The following ROBO2 variants were observed in gnomAD, a reference collection of about 807,000 sequenced individuals.
The protein encoded by ROBO2 is roundabout guidance receptor 2.
Under a neutral mutation model 160.8 loss-of-function variants are expected in ROBO2, and 53 were observed. That is an observed-to-expected ratio of 0.33 (90% CI 0.26 to 0.41). The LOEUF is 0.41. Among genes scored for constraint, ROBO2 ranks in the 10% least tolerant of loss-of-function variants. The pLI is 1.00. For missense variants in ROBO2, 1,577 were observed against 1,722.4 expected (o/e 0.92, Z 1.49); for synonymous variants, 664 against 611.7 (o/e 1.09, Z -1.26).
At chr3:75,937,710 C>A (rs1226176794) in intron 2 of ROBO2, 5 of 627,590 alleles carry the variant, frequency 8.0e-6, no homozygotes, top group Non-Finnish European at 1.3e-5. Context: ...TTGTAATTTT[C>A]CCCCAGGTTT....
chr3:76,366,813 C>T (rs1457218792), intron 2 of ROBO2, among the ~76,000 whole-genome samples: 1 of 151,838 alleles, frequency 6.6e-6, no homozygotes, highest in Non-Finnish European at 1.5e-5. Flanking sequence ...TTTTATTAAG[C>T]AGAGAAATAA....
At chr3:76,929,413 G>A (rs1315198044) in intron 2 of ROBO2, among the ~76,000 whole-genome samples, 1 of 152,150 alleles carries the variant, frequency 6.6e-6, no homozygotes, top group Non-Finnish European at 1.5e-5. Flanking sequence ...CCCAGTACCT[G>A]TTCTGTCCAC....
intron 8 of ROBO2, among the ~76,000 whole-genome samples, chr3:77,553,703 A>C (rs2093006858): frequency 6.6e-6 from 1 of 151,952 alleles, no homozygotes; most frequent in Admixed American, 6.6e-5. Flanking sequence ...ACATTCCCTT[A>C]AGCCAAAGCC....
intron 18 of ROBO2, 57 bp downstream of exon 19, chr3:77,595,241 C>T: frequency 7.7e-7 from 1 of 1,306,832 alleles, no homozygotes; most frequent in Non-Finnish European, 1.1e-6. Flanking sequence ...ACTGGGGAAA[C>T]TCTATAGTAA....
At chr3:76,822,710 T>C (rs2066226700) in intron 2 of ROBO2, among the ~76,000 whole-genome samples, 1 of 151,352 alleles carries the variant, frequency 6.6e-6, no homozygotes, top group South Asian at 2.1e-4. Flanking sequence ...GTATAAAGTG[T>C]GGTAGATTAT....
chr3:77,559,642 A>G (rs1392081399), intron 9 of ROBO2, among the ~76,000 whole-genome samples: 2 of 152,102 alleles, frequency 1.3e-5, no homozygotes, highest in Admixed American at 1.3e-4. Flanking sequence ...CATATTTCCA[A>G]ATGATCACAA....
At chr3:76,657,976 A>C (rs953446875) in intron 2 of ROBO2, among the ~76,000 whole-genome samples, 1 of 149,316 alleles carries the variant, frequency 6.7e-6, no homozygotes, top group African/African-American at 2.5e-5. Flanking sequence ...CTGAGGTCGG[A>C]GGATCACTTG....
chr3:77,015,217 G>A (rs1246840518), intron 2 of ROBO2, among the ~76,000 whole-genome samples: 1 of 152,122 alleles, frequency 6.6e-6, no homozygotes, highest in Non-Finnish European at 1.5e-5. Flanking sequence ...GTTAGCTAAT[G>A]TTTTACTAAA....
chr3:77,262,328 G>A (rs148216467), intron 2 of ROBO2, among the ~76,000 whole-genome samples: 15 of 152,184 alleles, frequency 9.9e-5, no homozygotes, highest in Admixed American at 2.0e-4. Context: ...TGACAGCATC[G>A]TGATACATAA....
chr3:76,591,597 C>A (rs1294580527), intron 2 of ROBO2, among the ~76,000 whole-genome samples: 1 of 152,120 alleles, frequency 6.6e-6, no homozygotes, highest in Non-Finnish European at 1.5e-5. Context: ...AGGTTAAAAA[C>A]TCCTGCCAAT....
chr3:76,397,418 G>A (rs2077524848), intron 2 of ROBO2, among the ~76,000 whole-genome samples: 1 of 152,026 alleles, frequency 6.6e-6, no homozygotes, highest in Non-Finnish European at 1.5e-5. Context: ...GCATGGGCAA[G>A]GACTTCATGT....
chr3:77,121,453 T>C (rs2074757018), intron 2 of ROBO2, among the ~76,000 whole-genome samples: 1 of 152,208 alleles, frequency 6.6e-6, no homozygotes, highest in Non-Finnish European at 1.5e-5. Flanking sequence ...TTTAATTGGC[T>C]TCTACTGGAA....
At chr3:76,830,261 C>A (rs532302289) in intron 2 of ROBO2, among the ~76,000 whole-genome samples, 1 of 152,062 alleles carries the variant, frequency 6.6e-6, no homozygotes. Flanking sequence ...TTCGAACAGG[C>A]GTTTCTCCCT....
At chr3:76,243,108 T>G (rs1171655043) in intron 2 of ROBO2, among the ~76,000 whole-genome samples, 4 of 152,192 alleles carry the variant, frequency 2.6e-5, no homozygotes, top group Admixed American at 2.6e-4. Flanking sequence ...ATTCCTTTAC[T>G]TTCCCATTTG....
At chr3:77,253,399 T>A (rs1027376193) in intron 2 of ROBO2, among the ~76,000 whole-genome samples, 2 of 152,212 alleles carry the variant, frequency 1.3e-5, no homozygotes, top group Non-Finnish European at 2.9e-5. Flanking sequence ...CTCAAGAAGT[T>A]ATTCACATAA....
At chr3:76,462,983 C>T (rs992546877) in intron 2 of ROBO2, among the ~76,000 whole-genome samples, 1 of 152,052 alleles carries the variant, frequency 6.6e-6, no homozygotes, top group African/African-American at 2.4e-5. Context: ...CAGGCCCAGT[C>T]TGAACAGTGT....
At chr3:76,280,730 G>C (rs1203428604) in intron 2 of ROBO2, among the ~76,000 whole-genome samples, 1 of 151,890 alleles carries the variant, frequency 6.6e-6, no homozygotes, top group African/African-American at 2.4e-5. Context: ...AGATCTAAAA[G>C]ATCTTCACAT....
chr3:76,729,639 CTTTTTTTTT>C (rs11292819), intron 2 of ROBO2, among the ~76,000 whole-genome samples: 1 of 136,104 alleles, frequency 7.3e-6, no homozygotes, highest in Non-Finnish European at 1.6e-5. Context: ...CTCTCTCTCT[CTTTTTTTTT>C]TTTTTTTGAG....
Position 76,721,331 on chromosome 3 carries a change from T to C in ROBO2, c.110-376683T>C, listed in dbSNP as rs373689986. Among the ~76,000 whole-genome samples, 21 of 152,346 alleles carry C rather than the reference T, an allele frequency of 1.4e-4. No homozygotes were observed. In the East Asian group the frequency reaches 1.7e-3, roughly 13 times the overall value. ...GAAATAAACACATTTTAATATGCTT[T>C]TCATCTGTTCCTTCCTATTAATTAT... On this transcript the variant is annotated intron_variant, in intron 2 of 26. Transcript: ENST00000487694.
Sources: gnomAD v4.1 joint callset for allele counts (sites outside exome capture counted in the v4.1 genomes callset) on GRCh38, gnomAD v4.1.1 for gene constraint, MANE v1.5 for transcripts, NCBI Gene and HGNC (gene_info 2026-07-23, HGNC 2026-07-21) for gene names.